PACRG: variants seen among roughly 807,000 people sequenced by gnomAD.
The protein encoded by PACRG is parkin coregulated gene protein.
In PACRG, 29 loss-of-function variants were observed where a neutral mutation model predicts 29.7. The ratio of observed to expected loss-of-function variants is 0.98; its 90% CI spans 0.73 to 1.33. The LOEUF (loss-of-function observed/expected upper bound fraction) is 1.33, where lower values mean the gene tolerates loss of function less well. Ranked by LOEUF, PACRG falls within the 40% of genes most tolerant of loss-of-function variation. The pLI is 0.00. For synonymous variants in PACRG, 116 were observed against 118.7 expected, an observed-to-expected ratio of 0.98 and a Z score of 0.15; for missense variants, 279 against 316.2, an observed-to-expected ratio of 0.88 and a Z score of 0.89.
intron 3 of PACRG, among the ~76,000 whole-genome samples, chr6:163,065,607 G>T (rs1361272674): frequency 2.0e-5 from 3 of 152,162 alleles, no homozygotes; most frequent in African/African-American, 7.2e-5. Context: ...AGGAAGTATT[G>T]TGCACAATCG....
chr6:162,829,158 GA>G (rs1788530788), intron 2 of PACRG, among the ~76,000 whole-genome samples: 2 of 152,148 alleles, frequency 1.3e-5, no homozygotes, highest in Admixed American at 6.5e-5. Context: ...AGCAGATTTA[GA>G]AAAACAAACA....
At chr6:163,213,706 TAAATTAA>T in intron 4 of PACRG, among the ~76,000 whole-genome samples, 1 of 152,220 alleles carries the variant, frequency 6.6e-6, no homozygotes, top group Non-Finnish European at 1.5e-5. Flanking sequence ...TAGTTATTTG[TAAATTAA>T]GGAAATTAAC....
chr6:162,745,762 ATTAG>A (rs1025798380), intron 1 of PACRG, among the ~76,000 whole-genome samples: 1 of 152,120 alleles, frequency 6.6e-6, no homozygotes, highest in Non-Finnish European at 1.5e-5. Context: ...GTGTGAGGTA[ATTAG>A]TTAGTCTGTG....
intron 3 of PACRG, among the ~76,000 whole-genome samples, chr6:163,084,663 A>G (rs567580280): frequency 1.3e-5 from 2 of 152,176 alleles, no homozygotes; most frequent in Admixed American, 6.5e-5. Flanking sequence ...GATCACAACC[A>G]TGTTAATTCA....
chr6:163,173,996 C>T (rs1779220552), intron 4 of PACRG, among the ~76,000 whole-genome samples: 1 of 152,208 alleles, frequency 6.6e-6, no homozygotes, highest in South Asian at 2.1e-4. Flanking sequence ...TCAAGTCGTC[C>T]TTTGACTACT....
intron 2 of PACRG, among the ~76,000 whole-genome samples, chr6:162,833,289 G>T (rs982946324): frequency 1.3e-5 from 2 of 151,982 alleles, no homozygotes; most frequent in Non-Finnish European, 2.9e-5. Flanking sequence ...CCATATTTAG[G>T]CAATATTCCT....
chr6:163,119,149 CA>C (rs1299098374), intron 4 of PACRG, among the ~76,000 whole-genome samples: 2 of 152,208 alleles, frequency 1.3e-5, no homozygotes, highest in African/African-American at 2.4e-5. Flanking sequence ...CAGAGATGCT[CA>C]TTGTTGTCAT....
In PACRG at chr6:163,242,040, T is replaced by C. The variant is rs968789790; in HGVS notation, c.614-72787T>C. On this transcript the variant is annotated intron_variant, in intron 4 of 4. Transcript: ENST00000366888. ...AACAATTTTTTTAAACCAATGATGT[T>C]AGCTGAGGCAAAGCTCTTTAAAAGA... 2.6e-5 allele frequency among the ~76,000 whole-genome samples: 4 copies of C among 151,986 alleles called. No individual in the cohort carries two copies. The East Asian group carries it at 5.8e-4, about 22-fold the overall frequency.
At chr6:162,878,405 T>TA (rs1015190545) in intron 2 of PACRG, among the ~76,000 whole-genome samples, 40 of 152,320 alleles carry the variant, frequency 2.6e-4, no homozygotes, top group African/African-American at 7.9e-4. Context: ...TTGAATAAAG[T>TA]AATAATGAGA....
intron 4 of PACRG, among the ~76,000 whole-genome samples, chr6:163,136,059 C>T (rs1406658786): frequency 1.3e-5 from 2 of 152,018 alleles, no homozygotes; most frequent in Non-Finnish European, 2.9e-5. Flanking sequence ...AGTTTTTGTG[C>T]CTATTTATTC....
chr6:163,041,150 A>T (rs1213546821), intron 2 of PACRG, among the ~76,000 whole-genome samples: 1 of 152,096 alleles, frequency 6.6e-6, no homozygotes, highest in Non-Finnish European at 1.5e-5. Flanking sequence ...ATCCCAGCTA[A>T]CATGGTGAAA....
intron 1 of PACRG, among the ~76,000 whole-genome samples, chr6:162,747,151 C>T (rs141695194): frequency 9.3e-5 from 14 of 151,026 alleles, no homozygotes; most frequent in East Asian, 4.0e-4. Flanking sequence ...CTGAGTGGCA[C>T]GGGTTAATCA....
chr6:162,845,698 A>G (rs1790310713), intron 2 of PACRG, among the ~76,000 whole-genome samples: 1 of 152,216 alleles, frequency 6.6e-6, no homozygotes, highest in Non-Finnish European at 1.5e-5. Context: ...ACTTTAGCCT[A>G]TATGATCTGC....
At chr6:162,791,398 C>G (rs1303468338) in intron 1 of PACRG, among the ~76,000 whole-genome samples, 1 of 149,914 alleles carries the variant, frequency 6.7e-6, no homozygotes, top group African/African-American at 2.5e-5. Flanking sequence ...TTTGATTCTC[C>G]TTTCCTTCTC....
At chr6:162,987,995 C>T (rs568162202) in intron 2 of PACRG, among the ~76,000 whole-genome samples, 1 of 152,128 alleles carries the variant, frequency 6.6e-6, no homozygotes, top group Non-Finnish European at 1.5e-5. Context: ...TGGCCTCCAC[C>T]CAGGTGGTGG....
chr6:162,879,916 A>G (rs1398770278), intron 2 of PACRG, among the ~76,000 whole-genome samples: 1 of 152,234 alleles, frequency 6.6e-6, no homozygotes, highest in African/African-American at 2.4e-5. Context: ...CTCAAAAAGC[A>G]TCTGTGAGAA....
intron 1 of PACRG, among the ~76,000 whole-genome samples, chr6:162,810,121 G>T (rs1408458653): frequency 1.3e-5 from 2 of 152,126 alleles, no homozygotes; most frequent in African/African-American, 4.8e-5. Flanking sequence ...AGCCAGGAGG[G>T]CATCAGTGGA....
At chr6:163,295,153 G>C (rs909577270) in intron 4 of PACRG, among the ~76,000 whole-genome samples, 4 of 152,200 alleles carry the variant, frequency 2.6e-5, no homozygotes, top group African/African-American at 9.7e-5. Context: ...GCCAAAAATA[G>C]TTGAATATTG....
rs114555563 is a variant in PACRG, at chr6:162,862,606, A to C, written c.291+48325A>C. 4.9e-3 allele frequency among the ~76,000 whole-genome samples: 740 copies of C among 152,356 alleles called. 10 individuals are homozygous for C. Among genetic ancestry groups the C allele is most frequent in the African/African-American group, 0.017 (707 of 41,580 alleles). On this transcript the variant is annotated intron_variant, in intron 2 of 4. Coordinates refer to ENST00000366888, the MANE Select transcript of PACRG (RefSeq NM_001080379.2). ...GGGAGTATCCACATATTCCAGACTC[A>C]GAGAGCAAAGATCCAGGACTAGTAC...
Sources: gnomAD v4.1 joint callset for allele counts (sites outside exome capture counted in the v4.1 genomes callset) on GRCh38, gnomAD v4.1.1 for gene constraint, MANE v1.5 for transcripts, NCBI Gene and HGNC (gene_info 2026-07-23, HGNC 2026-07-21) for gene names.